The following NKAIN2 variants were observed in gnomAD, a reference collection of about 807,000 sequenced individuals.
NKAIN2 encodes sodium/potassium transporting ATPase interacting 2.
In NKAIN2, 14 loss-of-function variants were observed where a neutral mutation model predicts 32.6. That is an observed-to-expected ratio of 0.43 (90% CI 0.28 to 0.67). The LOEUF is 0.67. NKAIN2 is among the 30% of genes least tolerant of loss of function. The pLI is 0.17. For synonymous variants in NKAIN2, 80 were observed against 87.2 expected, an observed-to-expected ratio of 0.92 and a Z score of 0.46; for missense variants, 198 against 258.3, an observed-to-expected ratio of 0.77 and a Z score of 1.60.
At chr6:124,603,069 C>T (rs1456259500) in intron 3 of NKAIN2, among the ~76,000 whole-genome samples, 1 of 151,890 alleles carries the variant, frequency 6.6e-6, no homozygotes, top group Admixed American at 6.6e-5. Context: ...ATATGTGCTA[C>T]ATTATTTCAC....
At chr6:124,804,404 A>G (rs923355032) in intron 5 of NKAIN2, 1 of 555,230 alleles carries the variant, frequency 1.8e-6, no homozygotes, top group Non-Finnish European at 2.3e-6. Flanking sequence ...TCAGCTAACG[A>G]TATACTTTAT....
At chr6:123,985,245 G>T (rs556291238) in intron 1 of NKAIN2, among the ~76,000 whole-genome samples, 2 of 152,066 alleles carry the variant, frequency 1.3e-5, no homozygotes, top group East Asian at 3.9e-4. Flanking sequence ...CTAAAAACAC[G>T]TAAAATTAGT....
At chr6:124,387,403 G>T (rs1016270272) in intron 3 of NKAIN2, among the ~76,000 whole-genome samples, 2 of 151,632 alleles carry the variant, frequency 1.3e-5, no homozygotes, top group Admixed American at 1.3e-4. Context: ...AGAATATTTA[G>T]CTCTTGCTCC....
At chr6:124,001,221 G>A (rs566577789) in intron 1 of NKAIN2, among the ~76,000 whole-genome samples, 1 of 151,596 alleles carries the variant, frequency 6.6e-6, no homozygotes, top group Non-Finnish European at 1.5e-5. Flanking sequence ...GCTCTTTAAA[G>A]GGAATAGCTT....
At chr6:124,467,255 A>G (rs1196822980) in intron 3 of NKAIN2, among the ~76,000 whole-genome samples, 1 of 152,092 alleles carries the variant, frequency 6.6e-6, no homozygotes, top group Non-Finnish European at 1.5e-5. Context: ...ACCGAACACC[A>G]AGTAAATTAC....
intron 5 of NKAIN2, among the ~76,000 whole-genome samples, chr6:124,805,062 G>T (rs868448442): frequency 5.9e-5 from 9 of 152,338 alleles, no homozygotes; most frequent in Middle Eastern, 3.4e-3. Flanking sequence ...ACCTCTGGGG[G>T]CAGGGCACAG....
intron 3 of NKAIN2, among the ~76,000 whole-genome samples, chr6:124,441,963 A>C (rs766646655): frequency 3.3e-5 from 5 of 152,054 alleles, no homozygotes; most frequent in Non-Finnish European, 7.4e-5. Flanking sequence ...AAATGGGCCC[A>C]TGTACATTTA....
At position 124,537,006 on chromosome 6, in the gene NKAIN2, G is replaced by A. The variant is rs73567517; in HGVS notation, c.274-121180G>A. On this transcript the variant is annotated intron_variant, in intron 3 of 6. Transcript: ENST00000368417. ...ACATGGATAACCCAACCCAACTAAT[G>A]TAAACACAGCTGCCTGCCACCCTGT... 3.2e-3 allele frequency among the ~76,000 whole-genome samples: 483 copies of A among 152,258 alleles called. 4 individuals are homozygous for A. Among genetic ancestry groups the A allele is most frequent in the African/African-American group, 0.011 (459 of 41,532 alleles).
chr6:123,902,637 C>A (rs1206055738), intron 1 of NKAIN2, among the ~76,000 whole-genome samples: 1 of 152,052 alleles, frequency 6.6e-6, no homozygotes, highest in Non-Finnish European at 1.5e-5. Context: ...CTCATGATTG[C>A]AGAATTAATT....
intron 1 of NKAIN2, among the ~76,000 whole-genome samples, chr6:124,004,048 G>C (rs1322281214): frequency 6.6e-6 from 1 of 152,114 alleles, no homozygotes; most frequent in Non-Finnish European, 1.5e-5. Flanking sequence ...CTAAAATATC[G>C]AGCTAATTCC....
intron 1 of NKAIN2, among the ~76,000 whole-genome samples, chr6:123,844,499 C>T (rs1044620518): frequency 3.9e-5 from 6 of 152,250 alleles, no homozygotes; most frequent in African/African-American, 1.2e-4. Flanking sequence ...CTCTGTTACT[C>T]GTCTCCCCTT....
chr6:124,768,857 A>C (rs1449196490), intron 4 of NKAIN2, among the ~76,000 whole-genome samples: 1 of 152,220 alleles, frequency 6.6e-6, no homozygotes, highest in Non-Finnish European at 1.5e-5. Context: ...TTCCAGGGAC[A>C]TAAATATTGA....
intron 3 of NKAIN2, among the ~76,000 whole-genome samples, chr6:124,570,681 A>G (rs1781093170): frequency 6.6e-6 from 1 of 152,210 alleles, no homozygotes; most frequent in South Asian, 2.1e-4. Flanking sequence ...CCCAGGCAAA[A>G]GTTTGCTGCA....
chr6:124,081,139 G>A (rs1019678428), intron 1 of NKAIN2, among the ~76,000 whole-genome samples: 1 of 151,732 alleles, frequency 6.6e-6, no homozygotes, highest in Non-Finnish European at 1.5e-5. Flanking sequence ...GTTTTTACTT[G>A]GAACTTTTAA....
intron 1 of NKAIN2, among the ~76,000 whole-genome samples, chr6:124,145,002 G>A (rs577144875): frequency 4.6e-5 from 7 of 152,264 alleles, no homozygotes; most frequent in South Asian, 2.1e-4. Context: ...ACAATATTCC[G>A]ATGTCAGAGA....
At chr6:124,445,926 A>G (rs1423591408) in intron 3 of NKAIN2, among the ~76,000 whole-genome samples, 2 of 152,242 alleles carry the variant, frequency 1.3e-5, no homozygotes, top group African/African-American at 4.8e-5. Context: ...TATAGTACAT[A>G]TTTGTTTTGT....
At chr6:124,027,540 T>C (rs1781167941) in intron 1 of NKAIN2, among the ~76,000 whole-genome samples, 1 of 152,146 alleles carries the variant, frequency 6.6e-6, no homozygotes. Flanking sequence ...AAATATCTAG[T>C]GACCATGTCT....
At chr6:124,245,777 T>C (rs1793363744) in intron 1 of NKAIN2, among the ~76,000 whole-genome samples, 1 of 152,080 alleles carries the variant, frequency 6.6e-6, no homozygotes, top group Admixed American at 6.6e-5. Flanking sequence ...TTGTTATCTT[T>C]CACATGCATC....
chr6:123,997,597 C>CTTTTTTTTTTTT (rs545393601), intron 1 of NKAIN2, among the ~76,000 whole-genome samples: 1 of 98,258 alleles, frequency 1.0e-5, no homozygotes, highest in Non-Finnish European at 1.9e-5. Flanking sequence ...GGAGTTTATT[C>CTTTTTTTTTTTT]TTTTTTTTTT....
Sources: allele counts gnomAD v4.1 joint callset (sites outside exome capture counted in the v4.1 genomes callset), GRCh38; gene constraint gnomAD v4.1.1; transcripts MANE v1.5; gene names NCBI Gene and HGNC (gene_info 2026-07-23, HGNC 2026-07-21).